The following ANK3 variants were observed in gnomAD, a reference collection of about 807,000 sequenced individuals.
The protein encoded by ANK3 is ankyrin-3.
Under a neutral mutation model 370.9 loss-of-function variants are expected in ANK3, and 57 were observed. That is an observed-to-expected ratio of 0.15 (90% CI 0.12 to 0.19). The LOEUF is 0.19. Among genes scored for constraint, ANK3 ranks in the 10% least tolerant of loss-of-function variants. The pLI is 1.00. For synonymous variants in ANK3, 1,929 were observed against 1,946.3 expected, an observed-to-expected ratio of 0.99 and a Z score of 0.23; for missense variants, 4,439 against 5,302.1, an observed-to-expected ratio of 0.84 and a Z score of 5.06.
intron 1 of ANK3, among the ~76,000 whole-genome samples, chr10:60,697,304 A>G (rs1256617146): frequency 1.3e-5 from 2 of 151,952 alleles, no homozygotes; most frequent in South Asian, 2.1e-4. Flanking sequence ...GGAAAAATCA[A>G]TATCGTGAAA....
chr10:60,458,171 C>G (rs896613018), intron 2 of ANK3, among the ~76,000 whole-genome samples: 1 of 152,100 alleles, frequency 6.6e-6, no homozygotes, highest in African/African-American at 2.4e-5. Context: ...AAATCTCTGA[C>G]TCGGCATCCT....
rs1348096757 is a variant in ANK3 at position 60,214,420 on chromosome 10, A to G, written c.898-910T>C. Among the ~76,000 whole-genome samples the G allele has an allele frequency of 2.0e-5, 3 of 152,174 alleles. No homozygotes were observed. The East Asian group carries it at 5.8e-4, about 29-fold the overall frequency. On this transcript the variant is annotated intron_variant, in intron 8 of 43. Coordinates refer to ENST00000280772, the MANE Select transcript of ANK3 (RefSeq NM_020987.5). Reference sequence around the variant, plus strand: ...CTGCTAAAAGAAAAAAATGGGATACATGTGCAGAACGTGTAGGTTTGTTAC... The same window carrying G: ...CTGCTAAAAGAAAAAAATGGGATACGTGTGCAGAACGTGTAGGTTTGTTAC...
At chr10:60,404,522 C>T (rs1041385373) in intron 2 of ANK3, among the ~76,000 whole-genome samples, 2 of 151,946 alleles carry the variant, frequency 1.3e-5, no homozygotes, top group African/African-American at 2.4e-5. Flanking sequence ...ACAGAATACC[C>T]ATATGAATAA....
chr10:60,223,392 C>A (rs78975536), intron 8 of ANK3, among the ~76,000 whole-genome samples: 2,776 of 152,244 alleles, frequency 0.018, 90 homozygotes, highest in African/African-American at 0.063. Context: ...TGTAGTAGCC[C>A]CCTTTGGATA....
intron 1 of ANK3, among the ~76,000 whole-genome samples, chr10:60,681,776 C>A (rs762800530): frequency 4.6e-5 from 7 of 152,272 alleles, no homozygotes; most frequent in African/African-American, 1.7e-4. Flanking sequence ...TACCATGGGA[C>A]TGAGTATACA....
chr10:60,671,795 A>C (rs1281016042), intron 1 of ANK3, among the ~76,000 whole-genome samples: 1 of 152,238 alleles, frequency 6.6e-6, no homozygotes, highest in Non-Finnish European at 1.5e-5. Context: ...CAAGCAGCCC[A>C]ATGGAGAATT....
intron 2 of ANK3, among the ~76,000 whole-genome samples, chr10:60,499,187 T>G (rs2075734382): frequency 6.6e-6 from 1 of 152,204 alleles, no homozygotes; most frequent in Non-Finnish European, 1.5e-5. Flanking sequence ...GAGTCCTGGC[T>G]ACTTGACAAA....
In ANK3 at chr10:60,069,175, A is replaced by G; in HGVS notation, c.11706T>C (p.Thr3902=). 1 of 1,614,198 alleles carries G rather than the reference A, an allele frequency of 6.2e-7. No homozygotes were observed. Residue 3902 remains threonine, a synonymous_variant, in exon 37 of 44, where the codon ACT becomes ACC. Transcript: ENST00000280772. ...ACTTTACATCTACACATGAAGAAGT[A>G]GTAAGGGCTTTGGTTTTCTCGGATT... ...VSQSEKTKAL[T]TSSCVDVKSR... is the part of the protein sequence containing the mutation.
chr10:60,470,908 C>T (rs1314615449), intron 2 of ANK3, among the ~76,000 whole-genome samples: 1 of 152,068 alleles, frequency 6.6e-6, no homozygotes, highest in Non-Finnish European at 1.5e-5. Context: ...TCCCACATCC[C>T]CCAAACAAAC....
chr10:60,498,836 G>A lies in ANK3; in HGVS notation c.96+116350C>T, dbSNP rs1011647915. On this transcript the variant is annotated intron_variant, in intron 2 of 43. Transcript: ENST00000373827. ...ATGTCATTAAACTACAAAATTGTAA[G>A]GTGGCCATCAGGCATATTTGTAAAA... Among the ~76,000 whole-genome samples the A allele has an allele frequency of 3.2e-4, 49 of 152,124 alleles. 1 individual carries two copies. The highest frequency in any genetic ancestry group is 3.2e-3 in the Admixed American group (49 of 15,262).
chr10:60,269,121 T>G (rs2097922581), intron 5 of ANK3, among the ~76,000 whole-genome samples: 1 of 152,208 alleles, frequency 6.6e-6, no homozygotes. Context: ...TTCACTGTGT[T>G]GTTAGAAATA....
At chr10:60,363,245 A>C (rs2058896056) in intron 1 of ANK3, among the ~76,000 whole-genome samples, 1 of 152,178 alleles carries the variant, frequency 6.6e-6, no homozygotes, top group African/African-American at 2.4e-5. Flanking sequence ...GCAGATTTGC[A>C]GCATGGAACG....
In ANK3 at chr10:60,198,232, G is replaced by C. The variant is rs111412563; in HGVS notation, c.1689+108C>G. 4 of 1,098,926 alleles carry C rather than the reference G, an allele frequency of 3.6e-6. No homozygotes were observed. The African/African-American group carries it at 6.2e-5, about 17-fold the overall frequency. The allele number at this position is 1,098,926 out of a possible 1,614,324, so 68.1% of individuals were successfully genotyped here. On this transcript the variant is annotated intron_variant, in intron 14 of 43. Coordinates refer to ENST00000280772, the MANE Select transcript of ANK3 (RefSeq NM_020987.5). ...CCATATTAATGACTACTGTGGGATC[G>C]CAAGAATAGATGCTGTTGTGCAGCT...
intron 2 of ANK3, among the ~76,000 whole-genome samples, chr10:60,537,193 T>G (rs1413640157): frequency 1.3e-5 from 2 of 152,046 alleles, no homozygotes; most frequent in African/African-American, 4.8e-5. Context: ...AGACTGTTAT[T>G]TTGTAGAATG....
At chr10:60,688,877 G>A (rs1191354704) in intron 1 of ANK3, among the ~76,000 whole-genome samples, 1 of 151,944 alleles carries the variant, frequency 6.6e-6, no homozygotes, top group Non-Finnish European at 1.5e-5. Context: ...GAACCCAGGA[G>A]GCAGAGGTTG....
chr10:60,687,025 T>C (rs1470238), intron 1 of ANK3, among the ~76,000 whole-genome samples: 5,728 of 152,330 alleles, frequency 0.038, 148 homozygotes, highest in Middle Eastern at 0.068. Context: ...GCCTATAGCA[T>C]TCAGTACAGT....
At chr10:60,499,323 G>A (rs2075738128) in intron 2 of ANK3, among the ~76,000 whole-genome samples, 1 of 152,152 alleles carries the variant, frequency 6.6e-6, no homozygotes, top group African/African-American at 2.4e-5. Context: ...TCAGCTGCAT[G>A]TGGGCACCTG....
chr10:60,128,501 TC>T (rs1247342503), intron 25 of ANK3, among the ~76,000 whole-genome samples: 1 of 151,964 alleles, frequency 6.6e-6, no homozygotes, highest in African/African-American at 2.4e-5. Flanking sequence ...TGCCTCAGCC[TC>T]CCGAGTAGCT....
chr10:60,457,494 T>G (rs1465583146), intron 2 of ANK3, among the ~76,000 whole-genome samples: 2 of 152,178 alleles, frequency 1.3e-5, no homozygotes, highest in African/African-American at 4.8e-5. Flanking sequence ...ATTGTGTTTA[T>G]ATCCCTTTTG....
Sources: gnomAD v4.1 joint callset for allele counts (sites outside exome capture counted in the v4.1 genomes callset) on GRCh38, gnomAD v4.1.1 for gene constraint, MANE v1.5 for transcripts, NCBI Gene and HGNC (gene_info 2026-07-23, HGNC 2026-07-21) for gene names.